Variants in FARS2 observed in about 807,000 individuals in gnomAD.
The protein encoded by FARS2 is phenylalanine--tRNA ligase, mitochondrial.
FARS2 carries 40 observed loss-of-function variants against 46.4 expected under a neutral mutation model. That is an observed-to-expected ratio of 0.86 (90% CI 0.67 to 1.12). The LOEUF is 1.12. Ranked by LOEUF, FARS2 falls within the 50% of genes most tolerant of loss-of-function variation. The pLI, the probability that FARS2 is intolerant of heterozygous loss-of-function variation, is 0.00. For missense variants in FARS2, 513 were observed against 567.9 expected (o/e 0.90, Z 0.98); for synonymous variants, 234 against 214.9 (o/e 1.09, Z -0.78).
intron 4 of FARS2, among the ~76,000 whole-genome samples, chr6:5,467,803 C>T (rs900689661): frequency 6.6e-6 from 1 of 152,108 alleles, no homozygotes; most frequent in Non-Finnish European, 1.5e-5. Flanking sequence ...ATGACTTATG[C>T]CTTACCATTT....
In FARS2 at chr6:5,531,317, A is replaced by AT. The variant is rs1486094075; in HGVS notation, c.905-13862dup. On this transcript the variant is annotated intron_variant, in intron 4 of 6. Coordinates refer to ENST00000274680, the MANE Select transcript of FARS2 (RefSeq NM_006567.5). ...GGGACCAACACTTTCTACACATTCCATGTAAGGAGGATTCTCACTGCGCAG... is the reference window on the plus strand; with the variant it reads ...GGGACCAACACTTTCTACACATTCCATTGTAAGGAGGATTCTCACTGCGCAG... Among the ~76,000 whole-genome samples, 3 of 152,280 alleles carry AT rather than the reference A, an allele frequency of 2.0e-5. No individual in the cohort carries two copies. In the East Asian group the frequency reaches 5.8e-4, roughly 29 times the overall value.
chr6:5,504,756 T>C (rs746879957), intron 4 of FARS2, among the ~76,000 whole-genome samples: 7 of 152,236 alleles, frequency 4.6e-5, no homozygotes, highest in Non-Finnish European at 1.0e-4. Context: ...TACTTTTAAA[T>C]GTTTATAATT....
chr6:5,297,385 C>T (rs1265810515), intron 1 of FARS2, among the ~76,000 whole-genome samples: 4 of 152,202 alleles, frequency 2.6e-5, no homozygotes, highest in Admixed American at 6.5e-5. Flanking sequence ...CAGTGGCTCA[C>T]GCCTGTAATC....
chr6:5,267,751 C>T (rs1001068325), intron 1 of FARS2, among the ~76,000 whole-genome samples: 1 of 109,334 alleles, frequency 9.1e-6, no homozygotes, highest in South Asian at 3.5e-4. Context: ...GAGACTGTCT[C>T]AAAAAAAAAA....
intron 6 of FARS2, among the ~76,000 whole-genome samples, chr6:5,626,259 G>A (rs1776024967): frequency 6.6e-6 from 1 of 152,118 alleles, no homozygotes; most frequent in African/African-American, 2.4e-5. Context: ...CAGCCTGCAG[G>A]TCCAGATGAG....
At chr6:5,740,501 T>G (rs1761262401) in intron 6 of FARS2, among the ~76,000 whole-genome samples, 1 of 142,742 alleles carries the variant, frequency 7.0e-6, no homozygotes, top group Non-Finnish European at 1.5e-5. Context: ...CAAGTAAGGG[T>G]TTTTTTTTTT....
chr6:5,762,059 T>C (rs772229801), intron 6 of FARS2, among the ~76,000 whole-genome samples: 7 of 152,176 alleles, frequency 4.6e-5, no homozygotes, highest in Non-Finnish European at 8.8e-5. Context: ...GGTTCATCTA[T>C]GTTGTAGCAT....
chr6:5,488,988 A>T (rs1181933809), intron 4 of FARS2, among the ~76,000 whole-genome samples: 1 of 152,226 alleles, frequency 6.6e-6, no homozygotes, highest in Non-Finnish European at 1.5e-5. Flanking sequence ...ACAGGCCAAA[A>T]TTCTACCTTT....
At chr6:5,506,172 C>T (rs1582298606) in intron 4 of FARS2, among the ~76,000 whole-genome samples, 1 of 152,192 alleles carries the variant, frequency 6.6e-6, no homozygotes. Flanking sequence ...GCAAGAAAGC[C>T]TATTCCCAAC....
intron 1 of FARS2, among the ~76,000 whole-genome samples, chr6:5,263,833 A>T (rs996082111): frequency 3.3e-5 from 5 of 152,228 alleles, no homozygotes; most frequent in Non-Finnish European, 4.4e-5. Context: ...AAACAGTGTA[A>T]CAACAATTTA....
At chr6:5,740,515 A>G (rs2150950936) in intron 6 of FARS2, among the ~76,000 whole-genome samples, 1 of 151,792 alleles carries the variant, frequency 6.6e-6, no homozygotes, top group East Asian at 1.9e-4. Context: ...TTTTTTTTCA[A>G]AAAAGCAAAA....
At chr6:5,474,640 A>T (rs1322387221) in intron 4 of FARS2, among the ~76,000 whole-genome samples, 2 of 150,854 alleles carry the variant, frequency 1.3e-5, no homozygotes, top group Non-Finnish European at 2.9e-5. Flanking sequence ...AACATAGAAA[A>T]GGTACAATAA....
intron 5 of FARS2, among the ~76,000 whole-genome samples, chr6:5,588,588 C>T (rs1301570713): frequency 6.6e-6 from 1 of 152,134 alleles, no homozygotes; most frequent in Non-Finnish European, 1.5e-5. Flanking sequence ...TGACCTCTGC[C>T]CTTTTCCCTT....
intron 2 of FARS2, among the ~76,000 whole-genome samples, chr6:5,374,294 C>G (rs182929134): frequency 6.8e-6 from 1 of 147,158 alleles, no homozygotes; most frequent in Non-Finnish European, 1.5e-5. Context: ...ATCCGTCAGT[C>G]AGTCAAAAAC....
At chr6:5,344,694 G>A (rs1757114434) in intron 1 of FARS2, among the ~76,000 whole-genome samples, 1 of 152,154 alleles carries the variant, frequency 6.6e-6, no homozygotes, top group Non-Finnish European at 1.5e-5. Flanking sequence ...GTGGAAAAAA[G>A]TATGGCAATT....
chr6:5,658,256 CAA>C (rs3057209), intron 6 of FARS2, among the ~76,000 whole-genome samples: 5,902 of 135,456 alleles, frequency 0.044, 349 homozygotes, highest in African/African-American at 0.14. Context: ...AACTCTGTCT[CAA>C]AAAAAAAAAA....
At chr6:5,743,973 G>C (rs970448184) in intron 6 of FARS2, among the ~76,000 whole-genome samples, 2 of 152,170 alleles carry the variant, frequency 1.3e-5, no homozygotes, top group Admixed American at 6.5e-5. Context: ...TCTTATATAG[G>C]AGCTCGGCCA....
At chr6:5,716,679 C>G (rs1759511156) in intron 6 of FARS2, among the ~76,000 whole-genome samples, 1 of 152,324 alleles carries the variant, frequency 6.6e-6, no homozygotes, top group East Asian at 1.9e-4. Context: ...TCAGGGAACC[C>G]ACAACTCCCT....
At chr6:5,360,020 A>G (rs555061453) in intron 1 of FARS2, among the ~76,000 whole-genome samples, 1 of 152,232 alleles carries the variant, frequency 6.6e-6, no homozygotes, top group Non-Finnish European at 1.5e-5. Context: ...AGGGCCTGCA[A>G]TCAGTTCTAG....
Sources: allele counts gnomAD v4.1 joint callset (sites outside exome capture counted in the v4.1 genomes callset), GRCh38; gene constraint gnomAD v4.1.1; transcripts MANE v1.5; gene names NCBI Gene and HGNC (gene_info 2026-07-23, HGNC 2026-07-21).